CHL1: variants seen among roughly 807,000 people sequenced by gnomAD.
The protein encoded by CHL1 is cell adhesion molecule L1 like.
CHL1 carries 96 observed loss-of-function variants against 141.9 expected under a neutral mutation model. The ratio of observed to expected loss-of-function variants is 0.68; its 90% CI spans 0.57 to 0.80. The LOEUF is 0.80. Ranked by LOEUF, CHL1 falls within the 30% of genes least tolerant of loss-of-function variation. CHL1 has a pLI of 0.00. For synonymous variants in CHL1, 613 were observed against 502.2 expected (o/e 1.22, Z -2.95); for missense variants, 1,820 against 1,457.2 (o/e 1.25, Z -4.05).
At chr3:255,786 G>T (rs114515365) in intron 2 of CHL1, among the ~76,000 whole-genome samples, 1 of 152,150 alleles carries the variant, frequency 6.6e-6, no homozygotes, top group African/African-American at 2.4e-5. Flanking sequence ...TAGATCTAAG[G>T]ATCCCTGGAC....
At chr3:358,279 G>C (rs779751185) in intron 11 of CHL1, among the ~76,000 whole-genome samples, 1 of 152,050 alleles carries the variant, frequency 6.6e-6, no homozygotes, top group Non-Finnish European at 1.5e-5. Context: ...CATTTTGAAA[G>C]CCAGCTACAC....
chr3:388,365 T>C (rs941695089), intron 19 of CHL1, among the ~76,000 whole-genome samples: 2 of 151,380 alleles, frequency 1.3e-5, no homozygotes, highest in Non-Finnish European at 2.9e-5. Context: ...CTGACCAACA[T>C]GGAGAAACCC....
rs942275829 is a variant in CHL1, at chr3:196,890, A to G, written c.-348A>G. On this transcript the variant is annotated 5_prime_UTR_variant, in exon 1 of 28. Transcript: ENST00000256509. ...CCAGCGGCGGGAGGGGACGGGCGGG[A>G]CCTCCGCGGACAGCCCCGGGTGCGG... 285 of 152,596 alleles carry G rather than the reference A, an allele frequency of 1.9e-3. 1 individual carries two copies. Among genetic ancestry groups the G allele is most frequent in the African/African-American group, 6.5e-3 (271 of 41,542 alleles). 9.5% of individuals were successfully genotyped at this position (152,596 alleles called of 1,614,324 possible).
intron 3 of CHL1, among the ~76,000 whole-genome samples, chr3:322,547 C>A (rs749133186): frequency 6.7e-6 from 1 of 149,508 alleles, no homozygotes; most frequent in African/African-American, 2.5e-5. Context: ...GTGTCTCATG[C>A]CTGTAATTGC....
At position 360,297 on chromosome 3, in the gene CHL1, T is replaced by C; in HGVS notation, c.1179T>C (p.Ala393=). 1 of 1,613,884 alleles carries C rather than the reference T, an allele frequency of 6.2e-7. No individual in the cohort carries two copies. Among genetic ancestry groups the C allele is most frequent in the Non-Finnish European group, 8.5e-7 (1 of 1,179,812 alleles). Residue 393 remains alanine (A), a synonymous_variant, in exon 12 of 28, where the codon GCT becomes GCC. Coordinates refer to ENST00000256509, the MANE Select transcript of CHL1 (RefSeq NM_006614.4). ...AATCTCTTTCAGATCATCCATTTGC[T>C]GGTGATGTTGTCTTCCCCAGGGAAA... ...NGSPVDNHPF[A]GDVVFPREIS... is the part of the protein sequence containing the mutation.
intron 26 of CHL1, 105 bp downstream of exon 26, chr3:399,253 A>T: frequency 1.2e-6 from 1 of 831,244 alleles, no homozygotes; most frequent in Non-Finnish European, 2.0e-6. Context: ...AGTCAAATTT[A>T]TATTAGCAAG....
intron 19 of CHL1, among the ~76,000 whole-genome samples, chr3:387,197 T>C (rs1034700445): frequency 2.0e-5 from 3 of 152,198 alleles, no homozygotes; most frequent in Admixed American, 2.0e-4. Context: ...AAAGTCATAC[T>C]AACAATATCA....
At chr3:299,397 G>T (rs1698508875) in intron 2 of CHL1, among the ~76,000 whole-genome samples, 2 of 152,146 alleles carry the variant, frequency 1.3e-5, no homozygotes, top group African/African-American at 4.8e-5. Context: ...ACATGGGGGT[G>T]CTGCAGATTC....
intron 2 of CHL1, among the ~76,000 whole-genome samples, chr3:284,592 G>T (rs1284252975): frequency 2.0e-5 from 3 of 152,190 alleles, no homozygotes; most frequent in Admixed American, 1.3e-4. Context: ...GAGACATGCA[G>T]ACCTTAAAAT....
intron 2 of CHL1, among the ~76,000 whole-genome samples, chr3:313,476 T>A (rs1006862311): frequency 6.6e-6 from 1 of 152,098 alleles, no homozygotes; most frequent in Non-Finnish European, 1.5e-5. Context: ...AAAGGGAAAA[T>A]CGAAGCATTT....
intron 2 of CHL1, among the ~76,000 whole-genome samples, chr3:253,123 T>C (rs1026498691): frequency 6.6e-6 from 1 of 152,150 alleles, no homozygotes; most frequent in Non-Finnish European, 1.5e-5. Context: ...AAAGAGGAGA[T>C]AGTAGTCCTT....
At chr3:331,604 T>C (rs559346332) in intron 5 of CHL1, among the ~76,000 whole-genome samples, 1 of 152,264 alleles carries the variant, frequency 6.6e-6, no homozygotes, top group Non-Finnish European at 1.5e-5. Flanking sequence ...TACATTCTCC[T>C]ACATTTGATT....
intron 2 of CHL1, among the ~76,000 whole-genome samples, chr3:283,032 A>G (rs868662629): frequency 2.0e-5 from 3 of 152,166 alleles, no homozygotes; most frequent in Non-Finnish European, 2.9e-5. Flanking sequence ...GTTTCCTTGT[A>G]TTCCAGTTTT....
chr3:328,536 A>AAAC (rs775117324), intron 5 of CHL1, 182 bp downstream of exon 5: 5 of 467,536 alleles, frequency 1.1e-5, no homozygotes, highest in Non-Finnish European at 1.5e-5. Context: ...TGACCTTAGA[A>AAAC]AACAACATAA....
chr3:203,611 C>T (rs73814174), intron 1 of CHL1, among the ~76,000 whole-genome samples: 1 of 152,136 alleles, frequency 6.6e-6, no homozygotes, highest in Middle Eastern at 3.2e-3. Context: ...TGCCCCTTGT[C>T]CTGAAGGGAT....
rs1172964970 is a variant in CHL1 at position 377,887 on chromosome 3, T to C, written c.1821T>C (p.Cys607=). The change falls in exon 16 of 28, where the codon TGT becomes TGC. Residue 607 remains cysteine, a synonymous_variant. Transcript: ENST00000256509. ...VTLEDQGIYC[C]SAHTALDSAA... is the part of the protein sequence containing the mutation. ...TAGAGGACCAAGGTATTTACTGCTG[T>C]TCAGCTCATACTGCTCTAGACAGTG... is the stretch of plus-strand genomic sequence containing the variant. The C allele has an allele frequency of 1.2e-6, 2 of 1,613,234 alleles. No individual in the cohort carries two copies. Among genetic ancestry groups the C allele is most frequent in the Non-Finnish European group, 1.7e-6 (2 of 1,179,288 alleles).
intron 15 of CHL1, among the ~76,000 whole-genome samples, chr3:371,940 C>G (rs537433442): frequency 6.6e-6 from 1 of 152,184 alleles, no homozygotes; most frequent in African/African-American, 2.4e-5. Flanking sequence ...GGCCTCCACT[C>G]TCTTCTGGCT....
intron 2 of CHL1, among the ~76,000 whole-genome samples, chr3:311,223 T>C (rs554436013): frequency 4.6e-5 from 7 of 152,336 alleles, no homozygotes; most frequent in Admixed American, 3.9e-4. Flanking sequence ...TTCAACTCCT[T>C]TGGGTAAAAA....
intron 2 of CHL1, among the ~76,000 whole-genome samples, chr3:264,257 T>C (rs1281614188): frequency 6.6e-6 from 1 of 151,988 alleles, no homozygotes; most frequent in Non-Finnish European, 1.5e-5. Context: ...ATGATATTGT[T>C]CATAACCCCT....
Sources: allele counts gnomAD v4.1 joint callset (sites outside exome capture counted in the v4.1 genomes callset), GRCh38; gene constraint gnomAD v4.1.1; transcripts MANE v1.5; gene names NCBI Gene and HGNC (gene_info 2026-07-23, HGNC 2026-07-21).